The following CTTNBP2 variants were observed in gnomAD, a reference collection of about 807,000 sequenced individuals.
The protein encoded by CTTNBP2 is cortactin binding protein 2, also known as cortactin-binding protein 2.
A neutral mutation model predicts 156.9 loss-of-function variants in CTTNBP2; 108 were observed. That is an observed-to-expected ratio of 0.69 (90% confidence interval 0.59 to 0.81). The LOEUF is 0.81. CTTNBP2 is among the 30% of genes least tolerant of loss of function. CTTNBP2 has a pLI of 0.00. For missense variants in CTTNBP2, 1,924 were observed against 2,035.4 expected, an observed-to-expected ratio of 0.95 and a Z score of 1.05; for synonymous variants, 767 against 751.8, an observed-to-expected ratio of 1.02 and a Z score of -0.33.
At chr7:117,862,056 T>TACACAC (rs150931611) in intron 1 of CTTNBP2, among the ~76,000 whole-genome samples, 3 of 149,122 alleles carry the variant, frequency 2.0e-5, no homozygotes, top group Non-Finnish European at 4.5e-5. Context: ...CACCAGCACA[T>TACACAC]ACACACACAC....
chr7:117,873,257 C>G (rs958382123), intron 1 of CTTNBP2, 78 bp downstream of exon 1: 3 of 1,123,634 alleles, frequency 2.7e-6, no homozygotes, highest in Non-Finnish European at 3.4e-6. Context: ...GGTGCGAAGT[C>G]GGGTCCGGCT....
At chr7:117,715,475 TAAAAAAAA>T (rs398048025) in intron 22 of CTTNBP2, among the ~76,000 whole-genome samples, 8 of 116,382 alleles carry the variant, frequency 6.9e-5, no homozygotes, top group African/African-American at 3.1e-4. Flanking sequence ...GCCCTGAAGT[TAAAAAAAA>T]AAAAAAAAAA....
chr7:117,718,789 A>ATAAG (rs1218545202), intron 21 of CTTNBP2, among the ~76,000 whole-genome samples: 2 of 152,236 alleles, frequency 1.3e-5, no homozygotes, highest in African/African-American at 2.4e-5. Context: ...GGTCTATAAC[A>ATAAG]TAAGTCTGCT....
At chr7:117,813,750 C>A (rs1460267839) in intron 2 of CTTNBP2, among the ~76,000 whole-genome samples, 2 of 152,070 alleles carry the variant, frequency 1.3e-5, no homozygotes, top group African/African-American at 4.8e-5. Flanking sequence ...CTCTCTGAAC[C>A]CCTTTTCTCT....
At chr7:117,786,858 C>T (rs1019109927) in intron 4 of CTTNBP2, among the ~76,000 whole-genome samples, 5 of 151,914 alleles carry the variant, frequency 3.3e-5, no homozygotes, top group Admixed American at 6.6e-5. Flanking sequence ...ATAAGTTATC[C>T]GAAAGACAAA....
chr7:117,799,463 A>AT (rs1460845091), intron 3 of CTTNBP2, among the ~76,000 whole-genome samples: 1 of 151,618 alleles, frequency 6.6e-6, no homozygotes, highest in African/African-American at 2.4e-5. Context: ...ACCATTCATG[A>AT]TAAAAAAAAA....
intron 12 of CTTNBP2, chr7:117,755,306 T>C (rs1000282421): frequency 4.1e-5 from 11 of 269,186 alleles, no homozygotes; most frequent in Non-Finnish European, 8.0e-5. Flanking sequence ...GGAATGGTTT[T>C]GAATACTTCT....
intron 1 of CTTNBP2, among the ~76,000 whole-genome samples, chr7:117,865,964 A>G (rs1804164222): frequency 6.8e-6 from 1 of 148,076 alleles, no homozygotes; most frequent in Admixed American, 6.8e-5. Flanking sequence ...ATAATTATAT[A>G]TATAATATAT....
chr7:117,737,503 T>C (rs1015638544), intron 14 of CTTNBP2, among the ~76,000 whole-genome samples: 15 of 152,226 alleles, frequency 9.9e-5, no homozygotes, highest in African/African-American at 4.8e-5. Context: ...CCAATGCCTC[T>C]TTGCTACAGG....
At chr7:117,817,681 G>A (rs964182068) in intron 2 of CTTNBP2, among the ~76,000 whole-genome samples, 1 of 151,674 alleles carries the variant, frequency 6.6e-6, no homozygotes, top group Non-Finnish European at 1.5e-5. Flanking sequence ...AAAACATACT[G>A]ACAAGCTTAT....
intron 1 of CTTNBP2, among the ~76,000 whole-genome samples, chr7:117,866,882 T>C (rs1804236014): frequency 6.6e-6 from 1 of 152,176 alleles, no homozygotes. Context: ...CCCAGTTTAA[T>C]AGTGCATGCC....
chr7:117,780,395 A>C, intron 7 of CTTNBP2, 46 bp downstream of exon 7: 35 of 1,254,508 alleles, frequency 2.8e-5, no homozygotes, highest in Non-Finnish European at 3.6e-5. Context: ...TTACAAATAT[A>C]TTGCAAATTA....
intron 22 of CTTNBP2, among the ~76,000 whole-genome samples, chr7:117,712,814 G>A (rs1794131256): frequency 6.6e-6 from 1 of 152,100 alleles, no homozygotes; most frequent in Admixed American, 6.6e-5. Flanking sequence ...GGTGTGGCAT[G>A]GACATACGAT....
chr7:117,818,576 C>T (rs1224083781), intron 2 of CTTNBP2, among the ~76,000 whole-genome samples: 1 of 152,172 alleles, frequency 6.6e-6, no homozygotes, highest in Non-Finnish European at 1.5e-5. Context: ...CACTGCCCCT[C>T]CTCCAAATCA....
rs35521841 is a variant in CTTNBP2, at chr7:117,799,881, A to G, written c.415-7100T>C. Among the ~76,000 whole-genome samples, 530 of 152,258 alleles carry G rather than the reference A, an allele frequency of 3.5e-3. 7 individuals are homozygous for G. Among genetic ancestry groups the G allele is most frequent in the African/African-American group, 0.012 (494 of 41,572 alleles). Reference sequence around the variant, plus strand: ...TGCACATTAACAACAAACATTTGAAATTCTTAAACAAATAATGCTATTTAC... The same window carrying G: ...TGCACATTAACAACAAACATTTGAAGTTCTTAAACAAATAATGCTATTTAC... On this transcript the variant is annotated intron_variant, in intron 3 of 22. Coordinates refer to ENST00000160373, the MANE Select transcript of CTTNBP2 (RefSeq NM_033427.3).
intron 19 of CTTNBP2, among the ~76,000 whole-genome samples, chr7:117,723,489 A>G (rs1794917530): frequency 6.6e-6 from 1 of 152,210 alleles, no homozygotes; most frequent in African/African-American, 2.4e-5. Flanking sequence ...TGAATGACAT[A>G]ATCTGAAGTC....
chr7:117,848,170 A>T (rs1467427882), intron 2 of CTTNBP2, among the ~76,000 whole-genome samples: 3 of 152,150 alleles, frequency 2.0e-5, no homozygotes, highest in African/African-American at 7.2e-5. Context: ...ACATAAAATG[A>T]TTAAATAAGG....
chr7:117,719,557 C>CG lies in CTTNBP2; in HGVS notation c.4590_4591insC (p.Val1531ArgfsTer13). On this transcript the variant is annotated frameshift_variant, in exon 21 of 23. Coordinates refer to ENST00000160373, the MANE Select transcript of CTTNBP2 (RefSeq NM_033427.3). LOFTEE classifies it high-confidence loss of function. ...GAGCACATGCTCTGAAGTTCCTTGA[C>CG]AAGATCTGCTTCGTCATCTGAACCC... 6.2e-7 allele frequency: 1 copy of CG among 1,614,040 alleles called. No individual in the cohort carries two copies. Among genetic ancestry groups the CG allele is most frequent in the Non-Finnish European group, 8.5e-7 (1 of 1,179,962 alleles).
At chr7:117,781,997 G>A (rs893401022) in intron 6 of CTTNBP2, among the ~76,000 whole-genome samples, 5 of 152,152 alleles carry the variant, frequency 3.3e-5, no homozygotes, top group African/African-American at 1.2e-4. Context: ...TGGTAGATAT[G>A]CAGAAAAGTG....
Sources: gnomAD v4.1 joint callset for allele counts (sites outside exome capture counted in the v4.1 genomes callset) on GRCh38, gnomAD v4.1.1 for gene constraint, MANE v1.5 for transcripts, NCBI Gene and HGNC (gene_info 2026-07-23, HGNC 2026-07-21) for gene names.